PTPRO: variants seen among roughly 807,000 people sequenced by gnomAD.
PTPRO encodes receptor-type tyrosine-protein phosphatase O.
PTPRO carries 62 observed loss-of-function variants against 145.2 expected under a neutral mutation model. The observed-to-expected ratio is 0.43, with a 90% CI of 0.35 to 0.53. PTPRO has a LOEUF of 0.53. Among genes scored for constraint, PTPRO ranks in the 20% least tolerant of loss-of-function variants. PTPRO has a pLI of 0.01. For synonymous variants in PTPRO, 565 were observed against 514.7 expected (o/e 1.10, Z -1.32); for missense variants, 1,345 against 1,482.7 (o/e 0.91, Z 1.53).
At chr12:15,484,774 G>GA (rs925058663) in intron 2 of PTPRO, among the ~76,000 whole-genome samples, 5 of 151,694 alleles carry the variant, frequency 3.3e-5, no homozygotes, top group African/African-American at 1.2e-4. Context: ...AAAATGCCAA[G>GA]AAAAAAAATT....
intron 1 of PTPRO, among the ~76,000 whole-genome samples, chr12:15,425,845 T>C (rs542479704): frequency 1.3e-5 from 2 of 152,168 alleles, no homozygotes; most frequent in African/African-American, 4.8e-5. Flanking sequence ...GAAATTGATG[T>C]TTAAGTGTTC....
rs1939984772 is a variant in PTPRO, at chr12:15,416,617, C to G, written c.76-67357C>G. Among the ~76,000 whole-genome samples the G allele has an allele frequency of 2.0e-5, 3 of 151,586 alleles. 1 individual carries two copies. The highest frequency in any genetic ancestry group is 7.3e-5 in the African/African-American group (3 of 40,878). ...TACAGGCATGAGCCACCGCGCCCAG[C>G]CGGTTCCTCTCTCTTAATTCAGTTT... On this transcript the variant is annotated intron_variant, in intron 1 of 26. Coordinates refer to ENST00000281171, the MANE Select transcript of PTPRO (RefSeq NM_030667.3).
chr12:15,518,342 C>A (rs4764203), intron 9 of PTPRO, among the ~76,000 whole-genome samples: 63,612 of 151,990 alleles, frequency 0.42, 13,704 homozygotes, highest in African/African-American at 0.5. Flanking sequence ...GCACAGGGAC[C>A]CTGGGCCTGG....
At chr12:15,443,420 A>G (rs1312618432) in intron 1 of PTPRO, among the ~76,000 whole-genome samples, 1 of 152,154 alleles carries the variant, frequency 6.6e-6, no homozygotes, top group Non-Finnish European at 1.5e-5. Flanking sequence ...AGGAAACACC[A>G]ATCTGGACAT....
At chr12:15,542,875 T>C (rs1254255441) in intron 12 of PTPRO, among the ~76,000 whole-genome samples, 1 of 152,236 alleles carries the variant, frequency 6.6e-6, no homozygotes, top group African/African-American at 2.4e-5. Context: ...ATGTGGCTAG[T>C]GGCTGTGTTG....
At chr12:15,511,223 A>G (rs1456550627) in intron 7 of PTPRO, among the ~76,000 whole-genome samples, 3 of 152,212 alleles carry the variant, frequency 2.0e-5, no homozygotes, top group Non-Finnish European at 4.4e-5. Context: ...CAGAGTGTGG[A>G]AGTATTTTGT....
chr12:15,499,737 A>G, intron 4 of PTPRO, 143 bp downstream of exon 4: 3 of 1,002,648 alleles, frequency 3.0e-6, no homozygotes, highest in Non-Finnish European at 4.3e-6. Context: ...CAGATTTTCT[A>G]TCAATATAAA....
chr12:15,472,304 C>T (rs903480458), intron 1 of PTPRO, among the ~76,000 whole-genome samples: 8 of 152,176 alleles, frequency 5.3e-5, no homozygotes, highest in African/African-American at 1.7e-4. Context: ...TCCCAGTCAG[C>T]CTGTTATTCT....
At chr12:15,397,213 ATAATAT>A (rs1939364960) in intron 1 of PTPRO, among the ~76,000 whole-genome samples, 1 of 152,188 alleles carries the variant, frequency 6.6e-6, no homozygotes, top group East Asian at 1.9e-4. Flanking sequence ...TAAGTAACAG[ATAATAT>A]TTATATTTCT....
At chr12:15,330,325 G>A (rs935755388) in intron 1 of PTPRO, among the ~76,000 whole-genome samples, 2 of 152,192 alleles carry the variant, frequency 1.3e-5, no homozygotes, top group Admixed American at 6.5e-5. Context: ...ATTAGATGTG[G>A]GAAATTGGAG....
chr12:15,496,810 T>C (rs1007598011), intron 2 of PTPRO, among the ~76,000 whole-genome samples: 13 of 152,194 alleles, frequency 8.5e-5, no homozygotes, highest in African/African-American at 3.1e-4. Flanking sequence ...CAAAATTTAT[T>C]TTCTGTTACT....
intron 1 of PTPRO, among the ~76,000 whole-genome samples, chr12:15,416,745 A>T (rs1939991773): frequency 6.8e-6 from 1 of 147,414 alleles, no homozygotes; most frequent in African/African-American, 2.5e-5. Flanking sequence ...TTCCCCACCA[A>T]CATGCTCCTC....
At chr12:15,496,009 G>A (rs1360953991) in intron 2 of PTPRO, among the ~76,000 whole-genome samples, 1 of 151,876 alleles carries the variant, frequency 6.6e-6, no homozygotes, top group East Asian at 1.9e-4. Flanking sequence ...CACAGAACAA[G>A]AAAAATGAAG....
At chr12:15,368,179 G>A (rs1425473617) in intron 1 of PTPRO, among the ~76,000 whole-genome samples, 2 of 152,124 alleles carry the variant, frequency 1.3e-5, no homozygotes, top group Non-Finnish European at 2.9e-5. Context: ...GCCTTTAGCT[G>A]TTCCCCCAAC....
intron 7 of PTPRO, among the ~76,000 whole-genome samples, chr12:15,514,857 G>A (rs1334150539): frequency 6.6e-6 from 1 of 152,010 alleles, no homozygotes; most frequent in African/African-American, 2.4e-5. Flanking sequence ...CTGCCTCCTG[G>A]GTTCAAGCAA....
chr12:15,433,495 T>C (rs1185880808), intron 1 of PTPRO, among the ~76,000 whole-genome samples: 1 of 152,212 alleles, frequency 6.6e-6, no homozygotes, highest in Admixed American at 6.5e-5. Flanking sequence ...TTTTAGGCTT[T>C]ACATTTAAGT....
At chr12:15,394,233 T>G (rs1330923559) in intron 1 of PTPRO, among the ~76,000 whole-genome samples, 1 of 152,084 alleles carries the variant, frequency 6.6e-6, no homozygotes, top group Admixed American at 6.5e-5. Flanking sequence ...TTTCAGAATA[T>G]TAAAATGATG....
chr12:15,402,532 A>G (rs1454855155), intron 1 of PTPRO, among the ~76,000 whole-genome samples: 1 of 152,154 alleles, frequency 6.6e-6, no homozygotes, highest in East Asian at 1.9e-4. Context: ...CCACAATACT[A>G]TGTCTTAGAT....
At chr12:15,365,361 T>TATTA (rs1362011967) in intron 1 of PTPRO, among the ~76,000 whole-genome samples, 2 of 152,188 alleles carry the variant, frequency 1.3e-5, no homozygotes, top group Non-Finnish European at 2.9e-5. Context: ...CTCTTTTGAA[T>TATTA]ATTACTGTTT....
Sources: gnomAD v4.1 joint callset for allele counts (sites outside exome capture counted in the v4.1 genomes callset) on GRCh38, gnomAD v4.1.1 for gene constraint, MANE v1.5 for transcripts, NCBI Gene and HGNC (gene_info 2026-07-23, HGNC 2026-07-21) for gene names.